Variants in ZFP69 observed in about 807,000 individuals in gnomAD.
ZFP69 encodes the protein zinc finger protein 69 homolog.
A neutral mutation model predicts 48.9 loss-of-function variants in ZFP69; 35 were observed. The observed-to-expected ratio is 0.72, with a 90% CI of 0.55 to 0.95. The LOEUF is 0.95. Among genes scored for constraint, ZFP69 ranks in the 40% least tolerant of loss-of-function variants. The pLI is 0.00. For synonymous variants in ZFP69, 193 were observed against 216.8 expected, an observed-to-expected ratio of 0.89 and a Z score of 0.96; for missense variants, 557 against 638.4, an observed-to-expected ratio of 0.87 and a Z score of 1.37.
At chr1:40,489,235 C>A (rs765450530) in intron 4 of ZFP69, 21 bp downstream of exon 4, 1 of 1,612,094 alleles carries the variant, frequency 6.2e-7, no homozygotes, top group Non-Finnish European at 8.5e-7. Flanking sequence ...GCTATCCATG[C>A]ATCCAGAAAC....
chr1:40,491,606 G>C (rs1481424829), intron 5 of ZFP69, among the ~76,000 whole-genome samples: 1 of 152,100 alleles, frequency 6.6e-6, no homozygotes, highest in Non-Finnish European at 1.5e-5. Context: ...ACCAGTGAAA[G>C]GAAGTATATT....
Position 40,489,226 on chromosome 1 carries a change from C to T in ZFP69, c.346+12C>T. ...CTTGGTGTCAGTGGGTAAGACTTGGCTATCCATGCATCCAGAAACCCACCC... is the reference window on the plus strand; with the variant it reads ...CTTGGTGTCAGTGGGTAAGACTTGGTTATCCATGCATCCAGAAACCCACCC... On this transcript the variant is annotated intron_variant, in intron 4 of 5. Coordinates refer to ENST00000372706, the MANE Select transcript of ZFP69 (RefSeq NM_001320179.2). The T allele has an allele frequency of 6.2e-7, 1 of 1,613,128 alleles. No individual in the cohort carries two copies. The highest frequency in any genetic ancestry group is 8.5e-7 in the Non-Finnish European group (1 of 1,179,404).
intron 3 of ZFP69, among the ~76,000 whole-genome samples, chr1:40,484,995 C>T (rs112470543): frequency 0.015 from 2,164 of 142,564 alleles, 53 homozygotes; most frequent in African/African-American, 0.054. Flanking sequence ...CAGGTTCAAG[C>T]GATTCTCCTG....
chr1:40,482,244 A>G (rs945554420), intron 3 of ZFP69, among the ~76,000 whole-genome samples: 1 of 152,168 alleles, frequency 6.6e-6, no homozygotes, highest in Non-Finnish European at 1.5e-5. Context: ...AGTGATGTAC[A>G]TGAATTACTG....
chr1:40,479,524 C>T (rs777482818), intron 2 of ZFP69, 36 bp downstream of exon 2: 21 of 1,581,350 alleles, frequency 1.3e-5, no homozygotes, highest in Non-Finnish European at 1.7e-5. Context: ...AGAAGGGGAT[C>T]TCATTTGTGT....
At chr1:40,494,255 AATTTTTTTTTTTTTT>A (rs1306785442) in intron 5 of ZFP69, among the ~76,000 whole-genome samples, 3 of 123,878 alleles carry the variant, frequency 2.4e-5, no homozygotes, top group African/African-American at 9.5e-5. Context: ...AAAGATTCAA[AATTTTTTTTTTTTTT>A]TTTTTTTTTT....
intron 3 of ZFP69, 62 bp downstream of exon 3, chr1:40,481,916 T>A: frequency 7.6e-7 from 1 of 1,323,496 alleles, no homozygotes; most frequent in Non-Finnish European, 1.1e-6. Flanking sequence ...GTATATAACC[T>A]GTCTTTTTTG....
intron 5 of ZFP69, chr1:40,493,338 G>C (rs1196754860): frequency 1.3e-5 from 2 of 151,512 alleles, no homozygotes; most frequent in Non-Finnish European, 2.9e-5. Flanking sequence ...ATCACTCTTT[G>C]TATATTTTCC....
chr1:40,478,289 G>A (rs1249685580), intron 1 of ZFP69, among the ~76,000 whole-genome samples: 1 of 152,052 alleles, frequency 6.6e-6, no homozygotes, highest in African/African-American at 2.4e-5. Flanking sequence ...CAGATTCTAG[G>A]GTTTGGTTGA....
chr1:40,489,281 T>C lies in ZFP69; in HGVS notation c.346+67T>C, dbSNP rs549218224. On this transcript the variant is annotated intron_variant, in intron 4 of 5. Transcript: ENST00000372706. ...CAGGAGAGTCATTATTTTAAATTAT[T>C]GATGTGTAGATTCCTTGAGGCTTGA... The C allele has an allele frequency of 5.1e-6, 8 of 1,568,750 alleles. 1 individual carries two copies. The South Asian group carries it at 9.3e-5, about 18-fold the overall frequency.
intron 5 of ZFP69, chr1:40,490,859 C>G (rs1005543125): frequency 7.9e-5 from 12 of 152,176 alleles, no homozygotes. Context: ...ACAATCTCCT[C>G]AAACTTTGCT....
rs572944856 is a variant in ZFP69 at position 40,494,721 on chromosome 1, T to A, written c.443-200T>A. 1.0e-3 allele frequency among the ~76,000 whole-genome samples: 139 copies of A among 132,414 alleles called. 1 individual carries two copies. The highest frequency in any genetic ancestry group is 4.0e-3 in the African/African-American group (133 of 33,352). The allele number at this position is 132,414 out of a possible 152,430, so 86.9% of individuals were successfully genotyped here. On this transcript the variant is annotated intron_variant, in intron 5 of 5. Coordinates refer to ENST00000372706, the MANE Select transcript of ZFP69 (RefSeq NM_001320179.2). The stretch of plus-strand genomic sequence containing the variant: ...TACATTATATATATATAAATATATA[T>A]CAAATATATATATATATATAAAATG...
chr1:40,491,759 G>A (rs1305056904), intron 5 of ZFP69, among the ~76,000 whole-genome samples: 3 of 45,898 alleles, frequency 6.5e-5, no homozygotes, highest in African/African-American at 1.9e-4. Flanking sequence ...AAATGTGTGT[G>A]TGTATGTGTG....
intron 5 of ZFP69, 82 bp from the exon 6 acceptor site, chr1:40,494,839 A>T: frequency 8.2e-7 from 1 of 1,225,032 alleles, no homozygotes. Context: ...AATCTCATGC[A>T]CTTATCCATA....
intron 5 of ZFP69, among the ~76,000 whole-genome samples, chr1:40,494,551 A>G (rs537267918): frequency 6.8e-6 from 1 of 147,148 alleles, no homozygotes; most frequent in Non-Finnish European, 1.5e-5. Context: ...TACAGGCGTG[A>G]GCCACCGCGC....
intron 3 of ZFP69, among the ~76,000 whole-genome samples, chr1:40,486,388 TCCTCCCTTCCTCCCTCCTTTCCTCCCTC>T (rs1289180774): frequency 2.0e-4 from 30 of 150,324 alleles, no homozygotes; most frequent in Non-Finnish European, 4.4e-4. Flanking sequence ...CTGCTTCCCT[TCCTCCCTTCCTCCCTCCTTTCCTCCCTC>T]CCTCCCTTCC....
chr1:40,482,528 G>A (rs1645452913), intron 3 of ZFP69, among the ~76,000 whole-genome samples: 1 of 152,158 alleles, frequency 6.6e-6, no homozygotes, highest in South Asian at 2.1e-4. Flanking sequence ...GAGGACAGAA[G>A]GGTTTGAAGT....
At chr1:40,483,905 C>T (rs899781597) in intron 3 of ZFP69, among the ~76,000 whole-genome samples, 4 of 151,998 alleles carry the variant, frequency 2.6e-5, no homozygotes, top group Non-Finnish European at 4.4e-5. Context: ...CGAGAAACCC[C>T]GTCTCTACTA....
chr1:40,479,197 C>A lies in ZFP69; in HGVS notation c.-165C>A. On this transcript the variant is annotated 5_prime_UTR_variant, in exon 2 of 6. Coordinates refer to ENST00000372706, the MANE Select transcript of ZFP69 (RefSeq NM_001320179.2). ...TTGTTTTCCAGAATTGTTAAAGTCA[C>A]ATCAGTCTCTAGGAACCCCCAGGTC... The A allele has an allele frequency of 1.2e-6, 1 of 801,122 alleles. No individual in the cohort carries two copies. Among genetic ancestry groups the A allele is most frequent in the Admixed American group, 2.3e-5 (1 of 42,718 alleles). The allele number at this position is 801,122 out of a possible 1,614,324, so 49.6% of individuals were successfully genotyped here. A position where few individuals can be genotyped will look rare whatever the true frequency, so the allele number is the denominator to read the frequency against.
Sources: gnomAD v4.1 joint callset for allele counts (sites outside exome capture counted in the v4.1 genomes callset) on GRCh38, gnomAD v4.1.1 for gene constraint, MANE v1.5 for transcripts, NCBI Gene and HGNC (gene_info 2026-07-23, HGNC 2026-07-21) for gene names.